The following IMMP2L variants were observed in gnomAD, a reference collection of about 807,000 sequenced individuals.
IMMP2L encodes inner mitochondrial membrane peptidase subunit 2.
A neutral mutation model predicts 19.3 loss-of-function variants in IMMP2L; 18 were observed. The observed-to-expected ratio is 0.93, with a 90% CI of 0.64 to 1.38. The LOEUF is 1.38. Ranked by LOEUF, IMMP2L falls within the 40% of genes most tolerant of loss-of-function variation. IMMP2L has a pLI of 0.00. For synonymous variants in IMMP2L, 76 were observed against 73.0 expected, an observed-to-expected ratio of 1.04 and a Z score of -0.21; for missense variants, 233 against 218.2, an observed-to-expected ratio of 1.07 and a Z score of -0.43.
chr7:111,354,864 T>C (rs1384778781), intron 3 of IMMP2L, among the ~76,000 whole-genome samples: 3 of 151,792 alleles, frequency 2.0e-5, no homozygotes, highest in Non-Finnish European at 4.4e-5. Context: ...CCAAAGGAAA[T>C]ACAAGAAGTT....
chr7:111,275,864 T>C (rs1472635788), intron 3 of IMMP2L, among the ~76,000 whole-genome samples: 1 of 152,186 alleles, frequency 6.6e-6, no homozygotes, highest in East Asian at 1.9e-4. Context: ...TATAAAGAAA[T>C]GCTGCTGATT....
intron 5 of IMMP2L, among the ~76,000 whole-genome samples, chr7:110,768,084 T>G (rs1342810367): frequency 1.3e-5 from 2 of 152,094 alleles, no homozygotes; most frequent in Non-Finnish European, 2.9e-5. Context: ...GTTTCAGGAC[T>G]AATAGGTGCT....
intron 4 of IMMP2L, among the ~76,000 whole-genome samples, chr7:110,906,011 A>C (rs1677573714): frequency 6.6e-6 from 1 of 152,208 alleles, no homozygotes; most frequent in African/African-American, 2.4e-5. Flanking sequence ...CAGTTTCTTT[A>C]CGTTGGAATG....
chr7:111,445,505 G>C (rs187693911), intron 3 of IMMP2L, among the ~76,000 whole-genome samples: 25 of 151,286 alleles, frequency 1.7e-4, no homozygotes, highest in Admixed American at 1.1e-3. Context: ...TAATAAAGAA[G>C]TATAAATGTG....
chr7:111,443,364 G>A (rs759775576), intron 3 of IMMP2L, among the ~76,000 whole-genome samples: 1 of 149,494 alleles, frequency 6.7e-6, no homozygotes, highest in African/African-American at 2.6e-5. Flanking sequence ...GGAGTACTAC[G>A]ACCACTGTCT....
Position 111,366,994 on chromosome 7 carries a change from T to A in IMMP2L, c.239+120244A>T, listed in dbSNP as rs368994239. Among the ~76,000 whole-genome samples, 26 of 151,894 alleles carry A rather than the reference T, an allele frequency of 1.7e-4. No homozygotes were observed. In the South Asian group the frequency reaches 5.2e-3, roughly 30 times the overall value. On this transcript the variant is annotated intron_variant, in intron 3 of 5. Coordinates refer to ENST00000405709, the MANE Select transcript of IMMP2L (RefSeq NM_032549.4). ...TTGCAACTTTGATGTAAGTTTAAAA[T>A]CATTTCCAAATACAAAGCTTGAGGG... is the stretch of plus-strand genomic sequence containing the variant.
rs1289863158 is a variant in IMMP2L at position 110,825,255 on chromosome 7, T to C, written c.408+61338A>G. Among the ~76,000 whole-genome samples, 4 of 152,086 alleles carry C rather than the reference T, an allele frequency of 2.6e-5. No individual in the cohort carries two copies. The East Asian group carries it at 7.7e-4, about 29-fold the overall frequency. On this transcript the variant is annotated intron_variant, in intron 5 of 5. Coordinates refer to ENST00000405709, the MANE Select transcript of IMMP2L (RefSeq NM_032549.4). ...AGAATCAATATCGTGAAAATGGCCA[T>C]ACTGCCCAAGGTAATTTATAGATTC...
At chr7:110,668,439 G>C (rs979595094) in intron 5 of IMMP2L, among the ~76,000 whole-genome samples, 15 of 152,184 alleles carry the variant, frequency 9.9e-5, no homozygotes, top group African/African-American at 3.6e-4. Flanking sequence ...CTGCTACTCA[G>C]ATGTACCTCA....
intron 5 of IMMP2L, among the ~76,000 whole-genome samples, chr7:110,681,688 C>T (rs551857236): frequency 6.6e-6 from 1 of 152,260 alleles, no homozygotes; most frequent in South Asian, 2.1e-4. Flanking sequence ...CATAAATGTA[C>T]CAAGCTGTGT....
intron 5 of IMMP2L, among the ~76,000 whole-genome samples, chr7:110,805,624 G>C (rs1801581328): frequency 6.6e-6 from 1 of 151,816 alleles, no homozygotes. Context: ...TTAAATTCAA[G>C]ATTTATGAGC....
At chr7:111,401,885 G>A in intron 3 of IMMP2L, among the ~76,000 whole-genome samples, 1 of 152,038 alleles carries the variant, frequency 6.6e-6, no homozygotes, top group South Asian at 2.1e-4. Flanking sequence ...TGCAAGACTG[G>A]TGAATACAAT....
chr7:110,764,064 C>T (rs922014288), intron 5 of IMMP2L, among the ~76,000 whole-genome samples: 1 of 152,130 alleles, frequency 6.6e-6, no homozygotes, highest in Admixed American at 6.6e-5. Context: ...TTAAATGAAG[C>T]GATACATCCT....
At chr7:110,920,415 G>C (rs1183724142) in intron 4 of IMMP2L, among the ~76,000 whole-genome samples, 4 of 152,140 alleles carry the variant, frequency 2.6e-5, no homozygotes, top group Non-Finnish European at 2.9e-5. Context: ...ATTTATTCTG[G>C]GGAATTAGGG....
intron 3 of IMMP2L, among the ~76,000 whole-genome samples, chr7:111,319,946 G>C (rs1824506061): frequency 6.6e-6 from 1 of 151,708 alleles, no homozygotes; most frequent in Non-Finnish European, 1.5e-5. Flanking sequence ...TTTTAACTTA[G>C]TACTATTAAC....
At chr7:110,751,167 TAA>T (rs879587311) in intron 5 of IMMP2L, among the ~76,000 whole-genome samples, 5 of 141,812 alleles carry the variant, frequency 3.5e-5, no homozygotes, top group African/African-American at 1.0e-4. Flanking sequence ...CTAAGAGACT[TAA>T]AAAAAAAAAA....
intron 3 of IMMP2L, among the ~76,000 whole-genome samples, chr7:111,253,014 T>C (rs1393297159): frequency 6.6e-6 from 1 of 152,168 alleles, no homozygotes; most frequent in African/African-American, 2.4e-5. Context: ...ATTTTACCAA[T>C]ATTGCCTACG....
intron 3 of IMMP2L, among the ~76,000 whole-genome samples, chr7:111,042,183 T>A (rs1791963734): frequency 6.6e-6 from 1 of 151,932 alleles, no homozygotes; most frequent in East Asian, 1.9e-4. Flanking sequence ...CCATTTAAAG[T>A]TTTTTCTTTT....
At chr7:110,977,259 G>A (rs1222415689) in intron 3 of IMMP2L, among the ~76,000 whole-genome samples, 1 of 151,812 alleles carries the variant, frequency 6.6e-6, no homozygotes, top group African/African-American at 2.4e-5. Context: ...TAGGGTTCAG[G>A]CCCAAATACT....
chr7:110,750,256 G>GT (rs34823317), intron 5 of IMMP2L, among the ~76,000 whole-genome samples: 51,308 of 151,592 alleles, frequency 0.34, 10,302 homozygotes, highest in East Asian at 0.69. Context: ...AGCTGTAAGA[G>GT]TTTTTTTTGT....
Sources: gnomAD v4.1 joint callset for allele counts (sites outside exome capture counted in the v4.1 genomes callset) on GRCh38, gnomAD v4.1.1 for gene constraint, MANE v1.5 for transcripts, NCBI Gene and HGNC (gene_info 2026-07-23, HGNC 2026-07-21) for gene names.